Variants in GATAD2B observed in about 807,000 individuals in gnomAD.
GATAD2B encodes transcriptional repressor p66-beta.
In GATAD2B, 8 loss-of-function variants were observed where a neutral mutation model predicts 64.3. That is an observed-to-expected ratio of 0.12 (90% CI 0.07 to 0.22). The LOEUF is 0.22. Among genes scored for constraint, GATAD2B ranks in the 10% least tolerant of loss-of-function variants. GATAD2B has a pLI of 1.00. For missense variants in GATAD2B, 453 were observed against 752.0 expected (o/e 0.60, Z 4.65); for synonymous variants, 281 against 271.3 (o/e 1.04, Z -0.35).
chr1:153,921,622 C>A (rs946864860), intron 1 of GATAD2B, among the ~76,000 whole-genome samples: 3 of 151,970 alleles, frequency 2.0e-5, no homozygotes, highest in African/African-American at 4.8e-5. Context: ...ACACACACGC[C>A]CCCCAAATAA....
chr1:153,823,115 T>A (rs909313989), intron 2 of GATAD2B, among the ~76,000 whole-genome samples: 1 of 152,194 alleles, frequency 6.6e-6, no homozygotes, highest in African/African-American at 2.4e-5. Context: ...ACTAATGAAC[T>A]AGGATTCTGG....
At chr1:153,819,928 G>A (rs200860205) in intron 2 of GATAD2B, among the ~76,000 whole-genome samples, 193 bp from the exon 3 acceptor site, 17 of 151,984 alleles carry the variant, frequency 1.1e-4, no homozygotes, top group East Asian at 7.7e-4. Flanking sequence ...GTGAAACCCC[G>A]TCTCTACTAA....
chr1:153,884,801 A>AG lies in GATAD2B; in HGVS notation c.-2+37931dup, dbSNP rs555223421. On this transcript the variant is annotated intron_variant, in intron 1 of 10. Transcript: ENST00000368655. ...TCGAGACAGTCTCGCTCCGTTGCCC[A>AG]GCTGGAGTGCAATGGTGCGATCTCA... Among the ~76,000 whole-genome samples, 288 of 151,766 alleles carry AG rather than the reference A, an allele frequency of 1.9e-3. 2 individuals carry two copies. Among genetic ancestry groups the AG allele is most frequent in the African/African-American group, 6.4e-3 (265 of 41,220 alleles).
intron 1 of GATAD2B, among the ~76,000 whole-genome samples, chr1:153,895,532 A>G (rs1022364273): frequency 6.6e-6 from 1 of 151,962 alleles, no homozygotes; most frequent in Non-Finnish European, 1.5e-5. Context: ...GTGAGCCACG[A>G]TCGTGCCACT....
intron 1 of GATAD2B, among the ~76,000 whole-genome samples, chr1:153,874,573 T>A (rs1053032937): frequency 6.6e-6 from 1 of 151,934 alleles, no homozygotes. Context: ...ATTTTTGGGG[T>A]TTTTTTGTTG....
chr1:153,826,026 C>T (rs1674862940), intron 2 of GATAD2B, among the ~76,000 whole-genome samples: 1 of 147,740 alleles, frequency 6.8e-6, no homozygotes. Flanking sequence ...TTTTTTCAGA[C>T]GAAGTCTCGC....
intron 7 of GATAD2B, among the ~76,000 whole-genome samples, chr1:153,814,916 C>T (rs531711468): frequency 6.7e-6 from 1 of 150,270 alleles, no homozygotes; most frequent in South Asian, 2.1e-4. Flanking sequence ...GTGGAGGTTG[C>T]AGTGAGCTGA....
intron 1 of GATAD2B, among the ~76,000 whole-genome samples, chr1:153,865,331 C>T (rs1201512415): frequency 6.6e-6 from 1 of 150,852 alleles, no homozygotes; most frequent in Non-Finnish European, 1.5e-5. Flanking sequence ...CGTGGTAGCA[C>T]GTGCCTGTAG....
intron 1 of GATAD2B, among the ~76,000 whole-genome samples, chr1:153,832,849 A>G (rs565794463): frequency 7.2e-4 from 109 of 152,242 alleles, no homozygotes; most frequent in African/African-American, 1.9e-3. Context: ...GTTTTCATCT[A>G]TAAGCCCATG....
At chr1:153,881,883 A>C (rs1677022148) in intron 1 of GATAD2B, among the ~76,000 whole-genome samples, 1 of 151,804 alleles carries the variant, frequency 6.6e-6, no homozygotes, top group African/African-American at 2.4e-5. Context: ...CTCTTTCTGT[A>C]GCACAGAGGT....
intron 1 of GATAD2B, among the ~76,000 whole-genome samples, chr1:153,851,776 G>C (rs1037960308): frequency 6.6e-6 from 1 of 152,096 alleles, no homozygotes; most frequent in East Asian, 1.9e-4. Flanking sequence ...ACCCCAGCCC[G>C]CATGAAGATG....
chr1:153,893,154 A>G (rs1677475125), intron 1 of GATAD2B, among the ~76,000 whole-genome samples: 1 of 152,152 alleles, frequency 6.6e-6, no homozygotes, highest in Non-Finnish European at 1.5e-5. Flanking sequence ...AGATTTGCCC[A>G]TTAGCATTGA....
intron 1 of GATAD2B, among the ~76,000 whole-genome samples, chr1:153,861,395 G>A (rs551722127): frequency 2.7e-5 from 4 of 150,808 alleles, no homozygotes; most frequent in South Asian, 2.1e-4. Context: ...CTCCCACCCC[G>A]GGCCATCTCT....
chr1:153,866,970 G>A (rs1475812883), intron 1 of GATAD2B, among the ~76,000 whole-genome samples: 1 of 152,028 alleles, frequency 6.6e-6, no homozygotes, highest in Non-Finnish European at 1.5e-5. Flanking sequence ...AGTAGAAACG[G>A]GGTTTCACCA....
rs71093296 is a variant in GATAD2B, at chr1:153,876,227, C to CAAAAAAAAAAAAAAAAAAAAAAAAA, written c.-2+46481_-2+46505dup. On this transcript the variant is annotated intron_variant, in intron 1 of 10. Transcript: ENST00000368655. The stretch of plus-strand genomic sequence containing the variant: ...TGGGCAACACAGTGAGACTTCGTCT[C>CAAAAAAAAAAAAAAAAAAAAAAAAA]AAAAAAAAAAAAAAAAAAAAAAAAA... Among the ~76,000 whole-genome samples the CAAAAAAAAAAAAAAAAAAAAAAAAA allele has an allele frequency of 2.1e-4, 10 of 48,430 alleles. 3 individuals carry two copies. Among genetic ancestry groups the CAAAAAAAAAAAAAAAAAAAAAAAAA allele is most frequent in the South Asian group, 1.4e-3 (1 of 704 alleles). 31.8% of individuals were successfully genotyped at this position (48,430 alleles called of 152,430 possible). A position where few individuals can be genotyped will look rare whatever the true frequency, so the allele number is the denominator to read the frequency against.
chr1:153,812,870 A>G (rs898325835), intron 8 of GATAD2B, among the ~76,000 whole-genome samples: 1 of 152,212 alleles, frequency 6.6e-6, no homozygotes, highest in African/African-American at 2.4e-5. Context: ...CTACTTCATA[A>G]TTCACTCTTT....
At chr1:153,884,494 G>C (rs578044387) in intron 1 of GATAD2B, among the ~76,000 whole-genome samples, 3 of 151,328 alleles carry the variant, frequency 2.0e-5, no homozygotes, top group Non-Finnish European at 3.0e-5. Flanking sequence ...CCCAGCTACT[G>C]GGGAGGCTGA....
At chr1:153,916,801 TTTTA>T (rs1281344961) in intron 1 of GATAD2B, among the ~76,000 whole-genome samples, 4 of 152,096 alleles carry the variant, frequency 2.6e-5, no homozygotes, top group African/African-American at 4.8e-5. Flanking sequence ...ATCAACAAAC[TTTTA>T]TTTGTTTATT....
intron 1 of GATAD2B, among the ~76,000 whole-genome samples, chr1:153,914,029 G>A (rs1678181448): frequency 6.6e-6 from 1 of 151,828 alleles, no homozygotes; most frequent in African/African-American, 2.4e-5. Flanking sequence ...CGGATCACAA[G>A]GTCAGGAGTT....
Sources: gnomAD v4.1 joint callset for allele counts (sites outside exome capture counted in the v4.1 genomes callset) on GRCh38, gnomAD v4.1.1 for gene constraint, MANE v1.5 for transcripts, NCBI Gene and HGNC (gene_info 2026-07-23, HGNC 2026-07-21) for gene names.